Variants in APBA1 observed in about 807,000 individuals in gnomAD.
APBA1 encodes the protein amyloid beta precursor protein binding family A member 1.
APBA1 carries 55 observed loss-of-function variants against 86.6 expected under a neutral mutation model. The observed-to-expected ratio is 0.64, with a 90% CI of 0.51 to 0.80. APBA1 has a LOEUF of 0.80. Among genes scored for constraint, APBA1 ranks in the 30% least tolerant of loss-of-function variants. The pLI is 0.00. For missense variants in APBA1, 1,090 were observed against 1,183.0 expected (o/e 0.92, Z 1.15); for synonymous variants, 511 against 493.9 (o/e 1.03, Z -0.46).
Position 69,452,262 on chromosome 9 carries a change from C to G in APBA1, c.1828G>C (p.Val610Leu). ...GCCCTGAGGAATTCCTGGTATGCCA[C>G]GCTAAATGCCTGTCCGATGGACTGT... ...IAQSIGQAFS[V>L]AYQEFLRANG... The change falls in exon 9 of 13, where the codon GTG becomes CTG. Residue 610 changes from valine (V) to leucine (L), a missense_variant. Coordinates refer to ENST00000265381, the MANE Select transcript of APBA1 (RefSeq NM_001163.4). The G allele has an allele frequency of 1.2e-6, 2 of 1,614,206 alleles. No homozygotes were observed. The highest frequency in any genetic ancestry group is 1.7e-6 in the Non-Finnish European group (2 of 1,180,042).
At chr9:69,567,253 G>A (rs1451234434) in intron 1 of APBA1, among the ~76,000 whole-genome samples, 5 of 152,128 alleles carry the variant, frequency 3.3e-5, no homozygotes, top group African/African-American at 7.2e-5. Flanking sequence ...AGAGAGAGAA[G>A]GGTGATTCCC....
chr9:69,654,373 G>A (rs1259455873), intron 1 of APBA1, among the ~76,000 whole-genome samples: 2 of 152,114 alleles, frequency 1.3e-5, no homozygotes, highest in East Asian at 1.9e-4. Flanking sequence ...GCTGAGGTGG[G>A]AGGATCGCTT....
At position 69,649,904 on chromosome 9, in the gene APBA1, G is replaced by A. The variant is rs149633966; in HGVS notation, c.-70+22249C>T. ...GTGGTTTTTAAAGATAGTGACAGCC[G>A]GTTGGCATCCTTTAAACATCTGATT... is the stretch of plus-strand genomic sequence containing the variant. On this transcript the variant is annotated intron_variant, in intron 1 of 12. Coordinates refer to ENST00000265381, the MANE Select transcript of APBA1 (RefSeq NM_001163.4). Among the ~76,000 whole-genome samples the A allele has an allele frequency of 2.3e-3, 344 of 152,180 alleles. 1 individual carries two copies. Among genetic ancestry groups the A allele is most frequent in the African/African-American group, 7.4e-3 (309 of 41,504 alleles).
intron 1 of APBA1, among the ~76,000 whole-genome samples, chr9:69,579,263 G>A (rs1821866962): frequency 6.6e-6 from 1 of 152,072 alleles, no homozygotes; most frequent in East Asian, 1.9e-4. Flanking sequence ...AATGCCCCTG[G>A]CCTGCACCGG....
chr9:69,632,044 TAATAAAAAATAAA>T lies in APBA1; in HGVS notation c.-70+40096_-70+40108del, dbSNP rs1200687151. Among the ~76,000 whole-genome samples, 4 of 148,754 alleles carry T rather than the reference TAATAAAAAATAAA, an allele frequency of 2.7e-5. No individual in the cohort carries two copies. The East Asian group carries it at 7.9e-4, about 29-fold the overall frequency. ...CACATGTACCCTAGAACTTAAAGTA[TAATAAAAAATAAA>T]AATAAAAAATAAATACAATAAAAAA... is the stretch of plus-strand genomic sequence containing the variant. On this transcript the variant is annotated intron_variant, in intron 1 of 12. Coordinates refer to ENST00000265381, the MANE Select transcript of APBA1 (RefSeq NM_001163.4).
At chr9:69,515,696 GGGGGGGGGC>G (rs201357314) in intron 2 of APBA1, among the ~76,000 whole-genome samples, 8,390 of 43,384 alleles carry the variant, frequency 0.19, 391 homozygotes, top group East Asian at 0.46. Flanking sequence ...AAACTGGGGG[GGGGGGGGGC>G]GGGGGGTGGA....
At chr9:69,655,051 T>G (rs146350306) in intron 1 of APBA1, among the ~76,000 whole-genome samples, 1 of 152,170 alleles carries the variant, frequency 6.6e-6, no homozygotes, top group African/African-American at 2.4e-5. Context: ...AGAAGGAATA[T>G]ATTTCAACAC....
chr9:69,622,413 T>C (rs1822838731), intron 1 of APBA1, among the ~76,000 whole-genome samples: 1 of 152,174 alleles, frequency 6.6e-6, no homozygotes, highest in African/African-American at 2.4e-5. Context: ...TAGGTCTGGC[T>C]AGGTTTCATG....
intron 1 of APBA1, among the ~76,000 whole-genome samples, chr9:69,649,621 T>G (rs1823458301): frequency 6.6e-6 from 1 of 152,196 alleles, no homozygotes; most frequent in African/African-American, 2.4e-5. Context: ...CCATGTGCTC[T>G]GCTCCCATCC....
chr9:69,440,443 T>TC (rs1564029429), intron 11 of APBA1, among the ~76,000 whole-genome samples: 2 of 151,240 alleles, frequency 1.3e-5, no homozygotes, highest in Non-Finnish European at 2.9e-5. Flanking sequence ...CGTTCGAGCT[T>TC]CCCCGCTGCT....
chr9:69,440,412 G>A (rs1007914377), intron 11 of APBA1, among the ~76,000 whole-genome samples: 2 of 151,740 alleles, frequency 1.3e-5, no homozygotes, highest in African/African-American at 4.9e-5. Context: ...AGGCCTCCTT[G>A]AGCTGTAGTG....
In APBA1 at chr9:69,658,262, TTCTTTCTTTCTTTCTTTCTTTC is replaced by T. The variant is rs1298034418; in HGVS notation, c.-70+13869_-70+13890del. Among the ~76,000 whole-genome samples the T allele has an allele frequency of 1.9e-3, 144 of 75,668 alleles. 6 individuals are homozygous for T. The highest frequency in any genetic ancestry group is 6.1e-3 in the African/African-American group (134 of 21,986). The allele number at this position is 75,668 out of a possible 152,430, so 49.6% of individuals were successfully genotyped here. A position where few individuals can be genotyped will look rare whatever the true frequency, so the allele number is the denominator to read the frequency against. On this transcript the variant is annotated intron_variant, in intron 1 of 12. Transcript: ENST00000265381. ...TTTCTTTCTTTCTTTCTTTCTTTCT[TTCTTTCTTTCTTTCTTTCTTTC>T]TCTCTCTCTTTCTCTCTCTCTCTTT...
rs867062304 is a variant in APBA1 at position 69,452,047 on chromosome 9, G to A, written c.1968+75C>T. 47 of 1,397,568 alleles carry A rather than the reference G, an allele frequency of 3.4e-5. No individual in the cohort carries two copies. In the Middle Eastern group the frequency reaches 6.0e-3, roughly 180 times the overall value. 86.6% of individuals were successfully genotyped at this position (1,397,568 alleles called of 1,614,324 possible). On this transcript the variant is annotated intron_variant, in intron 9 of 12. Transcript: ENST00000265381. ...TCACCATTGATCTCCCTTCACTTCCGCGGCAGGGTGCCCCACTTTCCAAGC... is the reference window on the plus strand; with the variant it reads ...TCACCATTGATCTCCCTTCACTTCCACGGCAGGGTGCCCCACTTTCCAAGC...
At chr9:69,602,878 T>A (rs1312567018) in intron 1 of APBA1, among the ~76,000 whole-genome samples, 1 of 152,188 alleles carries the variant, frequency 6.6e-6, no homozygotes, top group Non-Finnish European at 1.5e-5. Flanking sequence ...AAAAAGAATA[T>A]GCTTAATCTG....
At chr9:69,553,891 A>T (rs1321388325) in intron 1 of APBA1, among the ~76,000 whole-genome samples, 2 of 152,228 alleles carry the variant, frequency 1.3e-5, no homozygotes, top group East Asian at 3.8e-4. Flanking sequence ...ATAAACACAC[A>T]AGTGTGGACT....
At chr9:69,445,010 T>C (rs1468995835) in intron 10 of APBA1, among the ~76,000 whole-genome samples, 1 of 152,226 alleles carries the variant, frequency 6.6e-6, no homozygotes, top group East Asian at 1.9e-4. Flanking sequence ...GAGCATGTTG[T>C]TGGAATCTCA....
chr9:69,653,730 T>C (rs1322310507), intron 1 of APBA1, among the ~76,000 whole-genome samples: 1 of 152,042 alleles, frequency 6.6e-6, no homozygotes, highest in Non-Finnish European at 1.5e-5. Context: ...GAAACGTAAA[T>C]AGAAACTTAA....
At chr9:69,588,622 A>T (rs918537296) in intron 1 of APBA1, among the ~76,000 whole-genome samples, 1 of 152,216 alleles carries the variant, frequency 6.6e-6, no homozygotes, top group African/African-American at 2.4e-5. Flanking sequence ...CTTGTTAAAG[A>T]TCCATGTGGA....
chr9:69,660,762 A>C (rs1823738323), intron 1 of APBA1, among the ~76,000 whole-genome samples: 1 of 152,194 alleles, frequency 6.6e-6, no homozygotes, highest in African/African-American at 2.4e-5. Flanking sequence ...GGCATATAGA[A>C]TATACATGTG....
Sources: allele counts gnomAD v4.1 joint callset (sites outside exome capture counted in the v4.1 genomes callset), GRCh38; gene constraint gnomAD v4.1.1; transcripts MANE v1.5; gene names NCBI Gene and HGNC (gene_info 2026-07-23, HGNC 2026-07-21).